CCDC7: variants seen among roughly 807,000 people sequenced by gnomAD.
The protein encoded by CCDC7 is coiled-coil domain-containing protein 7.
In CCDC7, 183 loss-of-function variants were observed where a neutral mutation model predicts 196.9. The ratio of observed to expected loss-of-function variants is 0.93; its 90% CI spans 0.82 to 1.05. CCDC7 has a LOEUF of 1.05. CCDC7 is among the 50% of genes least tolerant of loss of function. CCDC7 has a pLI of 0.00. For missense variants in CCDC7, 1,540 were observed against 1,482.2 expected (o/e 1.04, Z -0.64); for synonymous variants, 525 against 484.6 (o/e 1.08, Z -1.10).
At chr10:32,471,951 T>C (rs2038042698) in intron 6 of CCDC7, among the ~76,000 whole-genome samples, 1 of 152,204 alleles carries the variant, frequency 6.6e-6, no homozygotes, top group Admixed American at 6.5e-5. Flanking sequence ...GCGATTTTTG[T>C]AGTAACTTTA....
At chr10:32,741,154 C>G (rs148104420) in intron 28 of CCDC7, among the ~76,000 whole-genome samples, 2 of 151,996 alleles carry the variant, frequency 1.3e-5, no homozygotes, top group Admixed American at 6.6e-5. Flanking sequence ...TGAGATTTCT[C>G]AATAAATTAT....
At chr10:32,448,224 A>G (rs1306110677), upstream of CCDC7, among the ~76,000 whole-genome samples, 3 of 152,100 alleles carry the variant, frequency 2.0e-5, no homozygotes, top group East Asian at 5.8e-4. Flanking sequence ...AACCTAGTTT[A>G]GAATTTTTAT....
intron 21 of CCDC7, among the ~76,000 whole-genome samples, chr10:32,667,818 G>A (rs978586866): frequency 3.3e-5 from 5 of 152,090 alleles, no homozygotes; most frequent in African/African-American, 1.2e-4. Flanking sequence ...CTCCAGCTTT[G>A]TTCTTTTGGC....
chr10:32,783,916 T>C (rs1331137656), intron 29 of CCDC7, among the ~76,000 whole-genome samples: 1 of 152,234 alleles, frequency 6.6e-6, no homozygotes, highest in Non-Finnish European at 1.5e-5. Flanking sequence ...TGTATCTTAT[T>C]GTACCACTTA....
chr10:32,738,769 T>G (rs919642263), intron 28 of CCDC7, among the ~76,000 whole-genome samples: 2 of 152,096 alleles, frequency 1.3e-5, no homozygotes, highest in Non-Finnish European at 2.9e-5. Flanking sequence ...CCACCATTCC[T>G]GGAGTTTTTT....
intron 8 of CCDC7, among the ~76,000 whole-genome samples, chr10:32,490,152 A>G (rs138360674): frequency 1.3e-5 from 2 of 152,162 alleles, no homozygotes; most frequent in Non-Finnish European, 1.5e-5. Context: ...CTCCTCAGCT[A>G]TCCTGTCTGT....
chr10:32,507,233 C>T (rs1189770619), intron 9 of CCDC7, among the ~76,000 whole-genome samples: 1 of 152,060 alleles, frequency 6.6e-6, no homozygotes, highest in South Asian at 2.1e-4. Context: ...GCTTGTGATC[C>T]GCCCACCATG....
intron 8 of CCDC7, among the ~76,000 whole-genome samples, chr10:32,486,079 C>G (rs1010232455): frequency 6.6e-6 from 1 of 152,164 alleles, no homozygotes; most frequent in African/African-American, 2.4e-5. Flanking sequence ...TTTGATCTGT[C>G]TAATGTTGAC....
At chr10:32,761,299 A>G (rs1444338562) in intron 28 of CCDC7, among the ~76,000 whole-genome samples, 1 of 152,006 alleles carries the variant, frequency 6.6e-6, no homozygotes, top group Non-Finnish European at 1.5e-5. Context: ...TAATAAAGGA[A>G]TAAAAGGGTA....
exon 22 of CCDC7, chr10:32,685,975 A>G: frequency 6.5e-7 from 1 of 1,546,094 alleles, no homozygotes; most frequent in Non-Finnish European, 8.8e-7. Context: ...TGTAGCTCAT[A>G]ATGAAGTACC....
chr10:32,593,973 C>G (rs1168382225), intron 18 of CCDC7, among the ~76,000 whole-genome samples: 1 of 152,134 alleles, frequency 6.6e-6, no homozygotes, highest in Non-Finnish European at 1.5e-5. Context: ...AGTTTGAAGT[C>G]AGGTAGCATG....
chr10:32,738,922 T>C (rs2085350688), intron 28 of CCDC7, among the ~76,000 whole-genome samples: 1 of 152,298 alleles, frequency 6.6e-6, no homozygotes, highest in Non-Finnish European at 1.5e-5. Context: ...GTCATTTTTT[T>C]TCTGAGAATG....
intron 9 of CCDC7, among the ~76,000 whole-genome samples, chr10:32,509,516 CAAA>C (rs35897485): frequency 1.4e-5 from 2 of 139,450 alleles, no homozygotes; most frequent in Admixed American, 7.1e-5. Context: ...GACATTACAC[CAAA>C]AAAAAAAAAA....
intron 11 of CCDC7, among the ~76,000 whole-genome samples, chr10:32,527,251 G>A (rs1472062756): frequency 6.6e-6 from 1 of 152,186 alleles, no homozygotes; most frequent in African/African-American, 2.4e-5. Flanking sequence ...AAAGTGCACA[G>A]ATTCTTTCTC....
chr10:32,731,772 G>T (rs116936701), intron 28 of CCDC7, among the ~76,000 whole-genome samples: 1,699 of 152,212 alleles, frequency 0.011, 16 homozygotes, highest in Non-Finnish European at 0.018. Context: ...AAACTGATAG[G>T]GCTGGGCACG....
At chr10:32,689,259 T>C in intron 23 of CCDC7, 96 bp downstream of exon 24, 1 of 746,146 alleles carries the variant, frequency 1.3e-6, no homozygotes, top group Non-Finnish European at 2.2e-6. Flanking sequence ...ACACTTTGAC[T>C]AAAATGTGAA....
chr10:32,626,227 C>T (rs1591156), intron 18 of CCDC7, among the ~76,000 whole-genome samples: 126,743 of 151,992 alleles, frequency 0.83, 53,465 homozygotes, highest in Non-Finnish European at 0.9. Flanking sequence ...CTGACCAACA[C>T]TTATCTTTGG....
intron 24 of CCDC7, 133 bp from the exon 26 acceptor site, chr10:32,711,487 G>A: frequency 3.6e-6 from 2 of 553,764 alleles, no homozygotes; most frequent in Non-Finnish European, 6.4e-6. Context: ...GTCAGAGCTA[G>A]CATTAAGGTA....
upstream of CCDC7, chr10:32,451,449 A>G (rs2033050753): frequency 1.6e-6 from 1 of 632,452 alleles, no homozygotes; most frequent in Non-Finnish European, 2.4e-6. Context: ...TGACTCAAAA[A>G]AGCCTGAAGT....
Sources: gnomAD v4.1 joint callset for allele counts (sites outside exome capture counted in the v4.1 genomes callset) on GRCh38, gnomAD v4.1.1 for gene constraint, MANE v1.5 for transcripts, NCBI Gene and HGNC (gene_info 2026-07-23, HGNC 2026-07-21) for gene names.